Variants in SLC1A2 observed in about 807,000 individuals in gnomAD.
SLC1A2 encodes the protein solute carrier family 1 member 2.
In SLC1A2, 15 loss-of-function variants were observed where a neutral mutation model predicts 48.8. The observed-to-expected ratio is 0.31, with a 90% CI of 0.21 to 0.47. The LOEUF (loss-of-function observed/expected upper bound fraction) is 0.47. Among genes scored for constraint, SLC1A2 ranks in the 20% least tolerant of loss-of-function variants. The pLI is 0.99. For synonymous variants in SLC1A2, 279 were observed against 272.6 expected (o/e 1.02, Z -0.23); for missense variants, 502 against 730.5 (o/e 0.69, Z 3.61).
At chr11:35,306,334 C>A in intron 4 of SLC1A2, 92 bp from the exon 5 acceptor site, 1 of 946,076 alleles carries the variant, frequency 1.1e-6, no homozygotes, top group Non-Finnish European at 1.6e-6. Context: ...TTTAAGGTTC[C>A]CAACAGGTTA....
upstream of SLC1A2, among the ~76,000 whole-genome samples, chr11:35,420,286 G>C (rs1387218226): frequency 1.3e-5 from 2 of 151,948 alleles, no homozygotes; most frequent in Admixed American, 1.3e-4. Flanking sequence ...CGGGGGCGGC[G>C]CACAGAGACA....
intron 6 of SLC1A2, among the ~76,000 whole-genome samples, chr11:35,293,102 A>G (rs1269319450): frequency 2.0e-5 from 3 of 152,232 alleles, no homozygotes; most frequent in Non-Finnish European, 4.4e-5. Context: ...TTATTCTAAC[A>G]ATAATGCTGG....
At chr11:35,374,430 T>C (rs1923301) in intron 1 of SLC1A2, 213,553 of 427,582 alleles carry the variant, frequency 0.5, 55,823 homozygotes, top group East Asian at 0.73. Flanking sequence ...AAAAGAGACC[T>C]ACAATTTGAA....
chr11:35,264,159 C>T (rs556206688), intron 10 of SLC1A2: 2 of 152,250 alleles, frequency 1.3e-5, no homozygotes, highest in Admixed American at 6.5e-5. Context: ...TAATTTGTTT[C>T]AGAGTCCTTG....
At chr11:35,286,644 C>T in intron 8 of SLC1A2, 113 bp downstream of exon 8, 6 of 720,292 alleles carry the variant, frequency 8.3e-6, no homozygotes, top group Admixed American at 3.1e-5. Flanking sequence ...TTTTTATTAC[C>T]TTCATTGTCT....
intron 1 of SLC1A2, among the ~76,000 whole-genome samples, chr11:35,396,736 A>C (rs1180116778): frequency 6.6e-6 from 1 of 151,960 alleles, no homozygotes; most frequent in African/African-American, 2.4e-5. Context: ...GGTGTTTTGG[A>C]CATGAAGTCC....
At chr11:35,340,841 T>C (rs897355515) in intron 1 of SLC1A2, among the ~76,000 whole-genome samples, 1 of 152,226 alleles carries the variant, frequency 6.6e-6, no homozygotes, top group Admixed American at 6.5e-5. Flanking sequence ...TGGACTCTTA[T>C]GTAACAAGTT....
At chr11:35,270,489 G>T (rs1407673025) in intron 9 of SLC1A2, among the ~76,000 whole-genome samples, 1 of 152,194 alleles carries the variant, frequency 6.6e-6, no homozygotes, top group Non-Finnish European at 1.5e-5. Context: ...TTATTCAACA[G>T]ATGTTTAATA....
chr11:35,419,037 G>C lies in SLC1A2; in HGVS notation c.-71C>G. On this transcript the variant is annotated 5_prime_UTR_variant, in exon 1 of 11. Coordinates refer to ENST00000278379, the MANE Select transcript of SLC1A2 (RefSeq NM_004171.4). This position sits in a 1 kb window ranked among gnomAD's most constrained non-coding sequence, Gnocchi z 5.4. ...GGGCGAGGGAGAAAGCGGACGCCGG[G>C]GTGAGCGCGAAGTGCGGCCGGGAGC... The C allele has an allele frequency of 7.0e-7, 1 of 1,437,806 alleles. No individual in the cohort carries two copies. 89.1% of individuals were successfully genotyped at this position (1,437,806 alleles called of 1,614,324 possible). A position where few individuals can be genotyped will look rare whatever the true frequency, so the allele number is the denominator to read the frequency against.
intron 1 of SLC1A2, among the ~76,000 whole-genome samples, chr11:35,392,139 T>G (rs1854792732): frequency 6.6e-6 from 1 of 152,234 alleles, no homozygotes; most frequent in Admixed American, 6.5e-5. Flanking sequence ...GTTTTGAATA[T>G]TATTCTCACA....
rs535598065 is a variant in SLC1A2 at position 35,257,975 on chromosome 11, A to G, written c.*2919T>C. The G allele has an allele frequency of 2.0e-5, 3 of 152,356 alleles. No homozygotes were observed. Among genetic ancestry groups the G allele is most frequent in the African/African-American group, 7.2e-5 (3 of 41,592 alleles). The allele number at this position is 152,356 out of a possible 1,614,324, so 9.4% of individuals were successfully genotyped here. On this transcript the variant is annotated 3_prime_UTR_variant, in exon 11 of 11. Transcript: ENST00000278379. ...TAGGATAAATCTATACATATAATTG[A>G]CAGGTTAAATGTATTCTATTTAGAT...
intron 6 of SLC1A2, among the ~76,000 whole-genome samples, chr11:35,294,784 G>C (rs1049209166): frequency 1.3e-5 from 2 of 152,188 alleles, no homozygotes; most frequent in African/African-American, 2.4e-5. Flanking sequence ...AGATGGACTA[G>C]AGAGAGGTAA....
intron 9 of SLC1A2, among the ~76,000 whole-genome samples, chr11:35,274,247 G>A (rs1189212440): frequency 6.6e-6 from 1 of 152,000 alleles, no homozygotes; most frequent in Non-Finnish European, 1.5e-5. Context: ...CATTTATTTT[G>A]TGATATATCA....
Position 35,410,813 on chromosome 11 carries a change from T to C in SLC1A2, c.17+8137A>G, listed in dbSNP as rs538304425. 2.6e-5 allele frequency among the ~76,000 whole-genome samples: 4 copies of C among 152,290 alleles called. No homozygotes were observed. The South Asian group carries it at 8.3e-4, about 32-fold the overall frequency. On this transcript the variant is annotated intron_variant, in intron 1 of 10. Coordinates refer to ENST00000278379, the MANE Select transcript of SLC1A2 (RefSeq NM_004171.4). ...GAGCTCCTTGTGGGTGGGCAGGCTT[T>C]GGTGCGACTGTTTCAACCTCTCCCT... is the stretch of plus-strand genomic sequence containing the variant.
chr11:35,308,220 C>T (rs190484159), intron 4 of SLC1A2, among the ~76,000 whole-genome samples: 8 of 152,302 alleles, frequency 5.3e-5, no homozygotes, highest in Non-Finnish European at 1.0e-4. Context: ...AGTAGCCCTT[C>T]GACTCAAGGG....
intron 1 of SLC1A2, among the ~76,000 whole-genome samples, chr11:35,319,917 T>C (rs1852003299): frequency 6.6e-6 from 1 of 152,180 alleles, no homozygotes; most frequent in African/African-American, 2.4e-5. Flanking sequence ...TTCTTGATGT[T>C]TGCACATAGA....
In SLC1A2 at chr11:35,266,807, C is replaced by G. The variant is rs184590797; in HGVS notation, c.1422-1049G>C. On this transcript the variant is annotated intron_variant, in intron 9 of 10. Coordinates refer to ENST00000278379, the MANE Select transcript of SLC1A2 (RefSeq NM_004171.4). ...CAATTCAAATAATATGAGTTCCAGG[C>G]AAAGCGGAAACTTTAATTTGTTCTT... Among the ~76,000 whole-genome samples, 38 of 152,302 alleles carry G rather than the reference C, an allele frequency of 2.5e-4. No individual in the cohort carries two copies. The East Asian group carries it at 5.8e-3, about 23-fold the overall frequency.
intron 1 of SLC1A2, among the ~76,000 whole-genome samples, chr11:35,354,160 A>C (rs1451795972): frequency 1.3e-5 from 2 of 152,198 alleles, no homozygotes; most frequent in African/African-American, 4.8e-5. Context: ...TGATATAAAA[A>C]GAAAGTCTTA....
rs116465679 is a variant in SLC1A2 at position 35,281,410 on chromosome 11, C to T, written c.1287-409G>A. ...GCTTACGCTTTTATGTCTCTGTGAGCACCAGAGGCTTTTGGACTATGTGGC... is the reference window on the plus strand; with the variant it reads ...GCTTACGCTTTTATGTCTCTGTGAGTACCAGAGGCTTTTGGACTATGTGGC... On this transcript the variant is annotated intron_variant, in intron 8 of 10. Transcript: ENST00000278379. 5.5e-3 allele frequency among the ~76,000 whole-genome samples: 842 copies of T among 152,262 alleles called. 10 individuals are homozygous for T. The highest frequency in any genetic ancestry group is 0.019 in the African/African-American group (801 of 41,528).
Sources: allele counts gnomAD v4.1 joint callset (sites outside exome capture counted in the v4.1 genomes callset), GRCh38; gene constraint gnomAD v4.1.1; non-coding constraint Gnocchi (gnomAD v3.1); transcripts MANE v1.5; gene names NCBI Gene and HGNC (gene_info 2026-07-23, HGNC 2026-07-21).